The following FAM163A variants were observed in gnomAD, a reference collection of about 807,000 sequenced individuals.
The protein encoded by FAM163A is protein FAM163A.
FAM163A carries 7 observed loss-of-function variants against 12.0 expected under a neutral mutation model. The ratio of observed to expected loss-of-function variants is 0.58; its 90% CI spans 0.33 to 1.10. The LOEUF is 1.10. FAM163A is among the 50% of genes least tolerant of loss of function. FAM163A has a pLI of 0.03. For synonymous variants in FAM163A, 101 were observed against 91.0 expected (o/e 1.11, Z -0.62); for missense variants, 202 against 218.6 (o/e 0.92, Z 0.48).
At chr1:179,813,416 G>A (rs899835300) in intron 4 of FAM163A, among the ~76,000 whole-genome samples, 1 of 152,170 alleles carries the variant, frequency 6.6e-6, no homozygotes, top group African/African-American at 2.4e-5. Flanking sequence ...GGAAAGATAC[G>A]GGGTCATTGG....
At chr1:179,766,286 T>A (rs899334246) in intron 1 of FAM163A, among the ~76,000 whole-genome samples, 3 of 152,132 alleles carry the variant, frequency 2.0e-5, no homozygotes, top group African/African-American at 7.2e-5. Context: ...ATAAAGAAAT[T>A]ATCTGACCCA....
At chr1:179,782,164 A>T (rs562946016) in intron 1 of FAM163A, among the ~76,000 whole-genome samples, 1 of 152,254 alleles carries the variant, frequency 6.6e-6, no homozygotes, top group East Asian at 1.9e-4. Flanking sequence ...AGCATGCCGG[A>T]CAAGGACCAG....
At chr1:179,756,778 A>C (rs10798719) in intron 1 of FAM163A, among the ~76,000 whole-genome samples, 36,263 of 152,004 alleles carry the variant, frequency 0.24, 4,984 homozygotes, top group East Asian at 0.63. Context: ...AGGGAACAGG[A>C]AGTAAGGCCT....
intron 1 of FAM163A, among the ~76,000 whole-genome samples, chr1:179,795,188 G>T (rs1041497783): frequency 6.6e-6 from 1 of 152,158 alleles, no homozygotes; most frequent in South Asian, 2.1e-4. Context: ...TAAAACAGCC[G>T]GGCATGATGG....
intron 1 of FAM163A, among the ~76,000 whole-genome samples, chr1:179,752,932 A>G (rs180764805): frequency 5.3e-5 from 8 of 152,346 alleles, no homozygotes; most frequent in Admixed American, 3.3e-4. Context: ...TGATCCATCA[A>G]TCTCACTACT....
intron 1 of FAM163A, among the ~76,000 whole-genome samples, chr1:179,774,541 C>T (rs943623708): frequency 5.3e-5 from 8 of 152,240 alleles, no homozygotes; most frequent in African/African-American, 1.9e-4. Flanking sequence ...GAATGATCCC[C>T]AGTGATACAG....
At chr1:179,736,888 C>T in the FAM163A span, among the ~76,000 whole-genome samples, 1 of 152,054 alleles carries the variant, frequency 6.6e-6, no homozygotes, top group African/African-American at 2.4e-5. Flanking sequence ...AACCTTTGTA[C>T]ACTGTTGGTT....
intron 1 of FAM163A, among the ~76,000 whole-genome samples, chr1:179,795,980 T>TATTATTATTATTATTA (rs1553226055): frequency 1.3e-5 from 2 of 150,678 alleles, no homozygotes; most frequent in African/African-American, 4.9e-5. Flanking sequence ...TTATTATTAT[T>TATTATTATTATTATTA]TTACAACTGT....
At chr1:179,773,285 T>C (rs960358877) in intron 1 of FAM163A, among the ~76,000 whole-genome samples, 3 of 152,102 alleles carry the variant, frequency 2.0e-5, no homozygotes, top group Admixed American at 6.5e-5. Flanking sequence ...GTATCTTGAC[T>C]GTGGTGGTGG....
chr1:179,744,184 A>G (rs1383841659), intron 1 of FAM163A, among the ~76,000 whole-genome samples: 4 of 152,150 alleles, frequency 2.6e-5, no homozygotes, highest in African/African-American at 9.7e-5. Context: ...CGGGGGTAGG[A>G]CGGAGAAGCC....
intron 1 of FAM163A, among the ~76,000 whole-genome samples, chr1:179,761,470 C>T (rs1219896710): frequency 6.6e-6 from 1 of 152,108 alleles, no homozygotes; most frequent in African/African-American, 2.4e-5. Context: ...CTTTCAGTCC[C>T]GAAGATGACA....
chr1:179,813,202 G>C lies in FAM163A; in HGVS notation c.93+12G>C. 1.3e-6 allele frequency: 2 copies of C among 1,551,106 alleles called. No homozygotes were observed. The highest frequency in any genetic ancestry group is 1.7e-6 in the Non-Finnish European group (2 of 1,146,494). ...ACTGCAGGCTCCAGGTCAGTCCCCG[G>C]GACCCGTAGCCAGAGGCTGCCAGGC... On this transcript the variant is annotated intron_variant, in intron 4 of 4. Coordinates refer to ENST00000341785, the MANE Select transcript of FAM163A (RefSeq NM_173509.3).
upstream of FAM163A, among the ~76,000 whole-genome samples, chr1:179,739,260 G>A (rs1167594505): frequency 6.6e-6 from 1 of 151,544 alleles, no homozygotes; most frequent in African/African-American, 2.4e-5. Flanking sequence ...TAGCCAGAAA[G>A]TTCTTAGTCT....
chr1:179,760,051 G>A (rs1321072447), intron 1 of FAM163A, among the ~76,000 whole-genome samples: 1 of 152,184 alleles, frequency 6.6e-6, no homozygotes, highest in African/African-American at 2.4e-5. Context: ...AATGATGGGT[G>A]CAGATTCATG....
At chr1:179,775,919 G>T (rs1227441110) in intron 1 of FAM163A, among the ~76,000 whole-genome samples, 1 of 152,070 alleles carries the variant, frequency 6.6e-6, no homozygotes, top group Non-Finnish European at 1.5e-5. Flanking sequence ...TATTCCCCAG[G>T]GTCCTTGGCG....
At chr1:179,740,049 G>T (rs1557878436), upstream of FAM163A, among the ~76,000 whole-genome samples, 1 of 152,188 alleles carries the variant, frequency 6.6e-6, no homozygotes, top group Non-Finnish European at 1.5e-5. Context: ...TCTAGCAATA[G>T]TTGCCCTGGG....
intron 1 of FAM163A, among the ~76,000 whole-genome samples, chr1:179,777,436 G>GGAGGCCAGGA (rs1464712072): frequency 6.6e-6 from 1 of 152,130 alleles, no homozygotes; most frequent in African/African-American, 2.4e-5. Flanking sequence ...AGTTAGACAA[G>GGAGGCCAGGA]GAGGCCAGGA....
intron 4 of FAM163A, 73 bp from the exon 5 acceptor site, chr1:179,813,706 T>G (rs1695007270): frequency 6.4e-6 from 10 of 1,553,564 alleles, no homozygotes; most frequent in Non-Finnish European, 8.8e-6. Context: ...CAGGGGCACC[T>G]GTGCACGCTC....
At chr1:179,812,549 G>A (rs1241727577) in intron 3 of FAM163A, among the ~76,000 whole-genome samples, 1 of 152,246 alleles carries the variant, frequency 6.6e-6, no homozygotes, top group Admixed American at 6.5e-5. Flanking sequence ...ACTGGGGTGT[G>A]TGCCAAGAGG....
Sources: gnomAD v4.1 joint callset for allele counts (sites outside exome capture counted in the v4.1 genomes callset) on GRCh38, gnomAD v4.1.1 for gene constraint, MANE v1.5 for transcripts, NCBI Gene and HGNC (gene_info 2026-07-23, HGNC 2026-07-21) for gene names.